The following B4GALT1 variants were observed in gnomAD, a reference collection of about 807,000 sequenced individuals.
The protein encoded by B4GALT1 is beta-1,4-galactosyltransferase 1, also known as N-acetyllactosamine synthase.
In B4GALT1, 16 loss-of-function variants were observed where a neutral mutation model predicts 34.9. The ratio of observed to expected loss-of-function variants is 0.46; its 90% CI spans 0.31 to 0.70. B4GALT1 has a LOEUF of 0.70. B4GALT1 is among the 30% of genes least tolerant of loss of function. The pLI is 0.05. For missense variants in B4GALT1, 445 were observed against 530.5 expected (o/e 0.84, Z 1.58); for synonymous variants, 221 against 218.1 (o/e 1.01, Z -0.12).
the B4GALT1 span, among the ~76,000 whole-genome samples, chr9:33,181,478 A>T: frequency 0.012 from 1,775 of 147,644 alleles, 72 homozygotes; most frequent in East Asian, 0.15. Context: ...CTTAGATAAG[A>T]GTGTAGTTTG....
intron 2 of B4GALT1, among the ~76,000 whole-genome samples, chr9:33,121,830 T>A (rs908570875): frequency 6.6e-6 from 1 of 152,046 alleles, no homozygotes; most frequent in Non-Finnish European, 1.5e-5. Context: ...TGGCAGATGG[T>A]GATCCCTTCT....
chr9:33,118,744 G>T (rs989976715), intron 3 of B4GALT1, among the ~76,000 whole-genome samples: 2 of 152,062 alleles, frequency 1.3e-5, no homozygotes, highest in Non-Finnish European at 2.9e-5. Flanking sequence ...CAACCACACT[G>T]TACTAGTCAG....
At chr9:33,177,099 C>A in the B4GALT1 span, among the ~76,000 whole-genome samples, 3 of 152,060 alleles carry the variant, frequency 2.0e-5, no homozygotes, top group Admixed American at 6.5e-5. Context: ...TTGCTTGAAA[C>A]AAAATAGTTT....
chr9:33,113,535 G>T lies in B4GALT1; in HGVS notation c.1116C>A (p.Asn372Lys). ...TKETMLSDGL[N>K]SLTYQVLDVQ... ...CATCCAGCACCTGGTAGGTGAGTGA[G>T]TTCAAACCATCAGAGAGCATTGTCT... Residue 372 changes from asparagine (N) to lysine (K), a missense_variant, in exon 6 of 6, where the codon AAC becomes AAA. Physicochemically the swap from Asn to Lys is moderately conservative, Grantham distance 94 (BLOSUM62 0). Transcript: ENST00000379731. The T allele has an allele frequency of 6.2e-7, 1 of 1,614,240 alleles. No homozygotes were observed. The highest frequency in any genetic ancestry group is 1.3e-5 in the African/African-American group (1 of 75,056).
chr9:33,170,532 G>T (rs1483507743), upstream of B4GALT1, among the ~76,000 whole-genome samples: 3 of 152,156 alleles, frequency 2.0e-5, no homozygotes, highest in East Asian at 5.8e-4. Flanking sequence ...ATAGATGATA[G>T]CCAGGAGACA....
chr9:33,141,627 G>A (rs906684731), intron 1 of B4GALT1, among the ~76,000 whole-genome samples: 1 of 152,168 alleles, frequency 6.6e-6, no homozygotes, highest in African/African-American at 2.4e-5. Context: ...AGCACAGAAG[G>A]GGAATCAACT....
chr9:33,108,375 G>A (rs1330239795), downstream of B4GALT1, among the ~76,000 whole-genome samples: 1 of 150,824 alleles, frequency 6.6e-6, no homozygotes, highest in Non-Finnish European at 1.5e-5. Flanking sequence ...CACTTTGGGA[G>A]ACTGAGGCAA....
At chr9:33,126,568 C>G (rs1003910707) in intron 2 of B4GALT1, among the ~76,000 whole-genome samples, 11 of 29,610 alleles carry the variant, frequency 3.7e-4, no homozygotes, top group African/African-American at 7.2e-4. Context: ...GCACATGCCA[C>G]CACACCCAGC....
At chr9:33,117,066 G>T (rs1163348477) in intron 3 of B4GALT1, among the ~76,000 whole-genome samples, 1 of 152,094 alleles carries the variant, frequency 6.6e-6, no homozygotes, top group Non-Finnish European at 1.5e-5. Flanking sequence ...CCTGTGCTCT[G>T]TTCCCGCACA....
At chr9:33,184,103 G>A in the B4GALT1 span, among the ~76,000 whole-genome samples, 2 of 151,958 alleles carry the variant, frequency 1.3e-5, no homozygotes, top group African/African-American at 4.8e-5. Context: ...AACCACCACG[G>A]CACATGTATA....
At chr9:33,116,389 G>A (rs1247664071) in intron 3 of B4GALT1, among the ~76,000 whole-genome samples, 4 of 149,896 alleles carry the variant, frequency 2.7e-5, no homozygotes, top group Non-Finnish European at 4.4e-5. Context: ...CTGCCACCAC[G>A]CCCAGCTAAT....
In B4GALT1 at chr9:33,112,095, A is replaced by T. The variant is rs1285901285; in HGVS notation, c.*1359T>A. 2 of 153,086 alleles carry T rather than the reference A, an allele frequency of 1.3e-5. No individual in the cohort carries two copies. The highest frequency in any genetic ancestry group is 4.8e-5 in the African/African-American group (2 of 41,478). The allele number at this position is 153,086 out of a possible 1,614,324, so 9.5% of individuals were successfully genotyped here. A position where few individuals can be genotyped will look rare whatever the true frequency, so the allele number is the denominator to read the frequency against. ...AACAAAAAGGGAGACGAAGGAAGGA[A>T]TGAGAAAGGCAGGGGAAAAGAGGAA... is the stretch of plus-strand genomic sequence containing the variant. On this transcript the variant is annotated 3_prime_UTR_variant, in exon 6 of 6. Coordinates refer to ENST00000379731, the MANE Select transcript of B4GALT1 (RefSeq NM_001497.4).
chr9:33,117,749 G>A (rs962192203), intron 3 of B4GALT1, among the ~76,000 whole-genome samples: 4 of 152,224 alleles, frequency 2.6e-5, no homozygotes, highest in Non-Finnish European at 1.5e-5. Context: ...GAACCTATTC[G>A]TAATTAGGTG....
At chr9:33,127,627 T>C (rs907180887) in intron 2 of B4GALT1, among the ~76,000 whole-genome samples, 9 of 152,054 alleles carry the variant, frequency 5.9e-5, no homozygotes, top group Admixed American at 2.6e-4. Context: ...TCACGGAAAA[T>C]TGGACATTAC....
At chr9:33,140,794 CA>C (rs1299993747) in intron 1 of B4GALT1, among the ~76,000 whole-genome samples, 12 of 152,248 alleles carry the variant, frequency 7.9e-5, no homozygotes, top group African/African-American at 2.9e-4. Flanking sequence ...GTGCGCACCG[CA>C]AGCTGAGCCA....
rs10971427 is a variant in B4GALT1, at chr9:33,145,084, G to A, written c.413-9660C>T. Among the ~76,000 whole-genome samples, 3 of 152,244 alleles carry A rather than the reference G, an allele frequency of 2.0e-5. No homozygotes were observed. In the East Asian group the frequency reaches 5.8e-4, roughly 29 times the overall value. The stretch of plus-strand genomic sequence containing the variant: ...GCCAAGTGGGAAGCTGGACCAACTG[G>A]GCAAAGTTGCGCCAGTTGCTCATCC... On this transcript the variant is annotated intron_variant, in intron 1 of 5. Coordinates refer to ENST00000379731, the MANE Select transcript of B4GALT1 (RefSeq NM_001497.4).
chr9:33,139,937 A>G (rs1462047930), intron 1 of B4GALT1, among the ~76,000 whole-genome samples: 2 of 152,204 alleles, frequency 1.3e-5, no homozygotes, highest in African/African-American at 4.8e-5. Flanking sequence ...AGATGAGCAG[A>G]TGTAAGCTGT....
intron 2 of B4GALT1, among the ~76,000 whole-genome samples, chr9:33,104,977 G>A (rs1216995196): frequency 2.0e-5 from 3 of 151,704 alleles, no homozygotes; most frequent in African/African-American, 7.3e-5. Context: ...GTGCCACCAC[G>A]CCCAGCTAAT....
intron 1 of B4GALT1, among the ~76,000 whole-genome samples, chr9:33,162,493 C>T (rs764786818): frequency 5.3e-5 from 8 of 152,144 alleles, no homozygotes; most frequent in Non-Finnish European, 1.0e-4. Context: ...ATGCCTTAGC[C>T]GTCACGGATA....
Sources: gnomAD v4.1 joint callset for allele counts (sites outside exome capture counted in the v4.1 genomes callset) on GRCh38, gnomAD v4.1.1 for gene constraint, MANE v1.5 for transcripts, NCBI Gene and HGNC (gene_info 2026-07-23, HGNC 2026-07-21) for gene names.